Variants in MYO7B observed in about 807,000 individuals in gnomAD.
MYO7B encodes unconventional myosin-VIIb.
In MYO7B, 212 loss-of-function variants were observed where a neutral mutation model predicts 259.7. The observed-to-expected ratio is 0.82, with a 90% confidence interval of 0.73 to 0.91. The LOEUF is 0.91. Ranked by LOEUF, MYO7B falls within the 40% of genes least tolerant of loss-of-function variation. The probability of loss-of-function intolerance (pLI) is 0.00; values close to 1 mark genes in which losing one functional copy is unlikely to be tolerated. For synonymous variants in MYO7B, 1,197 were observed against 1,166.4 expected (o/e 1.03, Z -0.54); for missense variants, 2,732 against 2,813.5 (o/e 0.97, Z 0.66).
At chr2:127,593,498 G>A (rs764863893) in intron 17 of MYO7B, 48 bp from the exon 18 acceptor site, 21 of 1,568,638 alleles carry the variant, frequency 1.3e-5, no homozygotes, top group Non-Finnish European at 1.8e-5. Context: ...GAGCCGCCGA[G>A]GGGTCTCTGC....
At position 127,548,987 on chromosome 2, in the gene MYO7B, CGTACAT is replaced by C. The variant is rs1693343123; in HGVS notation, c.-23-10710_-23-10705del. Among the ~76,000 whole-genome samples the C allele has an allele frequency of 1.6e-4, 24 of 152,110 alleles. 1 individual carries two copies. The highest frequency in any genetic ancestry group is 6.6e-5 in the Admixed American group (1 of 15,264). On this transcript the variant is annotated intron_variant, in intron 1 of 47. Coordinates refer to ENST00000409816, the MANE Select transcript of MYO7B (RefSeq NM_001393586.1). ...TATTTTGACACTTTCTTGGCAGGTGCGTACATGTTAATAATTGTCATGTCTTCTTTG... is the reference window on the plus strand; with the variant it reads ...TATTTTGACACTTTCTTGGCAGGTGCGTTAATAATTGTCATGTCTTCTTTG...
chr2:127,576,847 T>C lies in MYO7B; in HGVS notation c.849+139T>C. ...AGGCGGGGCTGGTTCCCTTTGCCTC[T>C]CCTCGCCAGCCCCTCTCTGCTGGGA... On this transcript the variant is annotated intron_variant, in intron 8 of 47. Transcript: ENST00000409816. The surrounding 1 kb of genome is among the most constrained non-coding windows in gnomAD (Gnocchi z 4.9). 2 of 580,578 alleles carry C rather than the reference T, an allele frequency of 3.4e-6. No homozygotes were observed. The highest frequency in any genetic ancestry group is 4.3e-5 in the South Asian group (2 of 46,366). 36.0% of individuals were successfully genotyped at this position (580,578 alleles called of 1,614,324 possible). A position where few individuals can be genotyped will look rare whatever the true frequency, so the allele number is the denominator to read the frequency against.
intron 26 of MYO7B, among the ~76,000 whole-genome samples, chr2:127,618,600 T>C (rs12052293): frequency 0.18 from 27,287 of 152,114 alleles, 2,543 homozygotes; most frequent in South Asian, 0.31. Flanking sequence ...ATGAGAACAG[T>C]TTGCTGTTTG....
chr2:127,633,017 T>C (rs1220665567), intron 39 of MYO7B, among the ~76,000 whole-genome samples: 1 of 152,188 alleles, frequency 6.6e-6, no homozygotes, highest in Non-Finnish European at 1.5e-5. Context: ...CGGGAGCCCC[T>C]GGCCTGGCCC....
At chr2:127,554,103 T>G (rs1482497819) in intron 1 of MYO7B, among the ~76,000 whole-genome samples, 2 of 152,204 alleles carry the variant, frequency 1.3e-5, no homozygotes, top group Non-Finnish European at 2.9e-5. Context: ...AGACGGAGTT[T>G]CATTCTTGTT....
intron 39 of MYO7B, among the ~76,000 whole-genome samples, chr2:127,632,950 G>A (rs975551099): frequency 2.0e-5 from 3 of 152,168 alleles, no homozygotes; most frequent in Non-Finnish European, 4.4e-5. Flanking sequence ...GCCCCTGCCC[G>A]ATGCCCCTGT....
chr2:127,582,047 T>C, intron 11 of MYO7B, 37 bp downstream of exon 11: 1 of 1,612,370 alleles, frequency 6.2e-7, no homozygotes, highest in African/African-American at 1.3e-5. Flanking sequence ...CATGGCCATC[T>C]GTTGACCACG....
At position 127,615,084 on chromosome 2, in the gene MYO7B, C is replaced by T. The variant is rs1031045132; in HGVS notation, c.3398+2481C>T. Among the ~76,000 whole-genome samples, 2 of 152,032 alleles carry T rather than the reference C, an allele frequency of 1.3e-5. No homozygotes were observed. Among genetic ancestry groups the T allele is most frequent in the South Asian group, 2.1e-4 (1 of 4,828 alleles). ...GAGCTCACCCTTTAGCTGGGGGGCACGAGAGGACCAGGAAATTCACAATGC... is the reference window on the plus strand; with the variant it reads ...GAGCTCACCCTTTAGCTGGGGGGCATGAGAGGACCAGGAAATTCACAATGC... On this transcript the variant is annotated intron_variant, in intron 26 of 47. Coordinates refer to ENST00000409816, the MANE Select transcript of MYO7B (RefSeq NM_001393586.1). This position sits in a 1 kb window ranked among gnomAD's most constrained non-coding sequence, Gnocchi z 4.4.
Position 127,596,489 on chromosome 2 carries a change from C to T in MYO7B, c.2272C>T (p.Gln758Ter), listed in dbSNP as rs1481670394. 6.2e-7 allele frequency: 1 copy of T among 1,613,666 alleles called. No homozygotes were observed. The highest frequency in any genetic ancestry group is 2.2e-5 in the East Asian group (1 of 44,876). The change falls in exon 19 of 48, where the codon CAG (glutamine) becomes TAG (stop). Residue 758 changes from glutamine to a stop codon, truncating the protein, a stop_gained. Coordinates refer to ENST00000409816, the MANE Select transcript of MYO7B (RefSeq NM_001393586.1). LOFTEE classifies it high-confidence loss of function. ...RDHQDTLLEV[Q>*]RSQVLDRAAL... ...TCATCAGGACACTCTGCTGGAGGTA[C>T]AGAGAAGCCAGGTGCTAGACAGAGC...
intron 26 of MYO7B, 59 bp from the exon 27 acceptor site, chr2:127,620,281 C>G (rs1237565614): frequency 5.1e-6 from 8 of 1,555,862 alleles, no homozygotes; most frequent in African/African-American, 1.4e-5. Flanking sequence ...CCCAGGTACC[C>G]CTGTCTCCTC....
At position 127,623,342 on chromosome 2, in the gene MYO7B, G is replaced by A; in HGVS notation, c.3786G>A (p.Leu1262=). 6.2e-7 allele frequency: 1 copy of A among 1,607,196 alleles called. No individual in the cohort carries two copies. Among genetic ancestry groups the A allele is most frequent in the South Asian group, 1.1e-5 (1 of 90,420 alleles). Reference sequence around the variant, plus strand: ...ACAAGCAGGGCCTCAGCGACCACCTGGGCTTCTCCCTCCAGGTCGCCGTGT... The same window carrying A: ...ACAAGCAGGGCCTCAGCGACCACCTAGGCTTCTCCCTCCAGGTCGCCGTGT... ...IAHKQGLSDH[L]GFSLQVAVYD... Residue 1262 remains leucine, a synonymous_variant, in exon 29 of 48, where the codon CTG becomes CTA. Transcript: ENST00000409816.
In MYO7B at chr2:127,628,177, C is replaced by A; in HGVS notation, c.4461-195C>A. On this transcript the variant is annotated intron_variant, in intron 33 of 47. Coordinates refer to ENST00000409816, the MANE Select transcript of MYO7B (RefSeq NM_001393586.1). The surrounding 1 kb of genome is among the most constrained non-coding windows in gnomAD (Gnocchi z 4.8). ...CATGGGCTGCACCACTCTCAGCCTCCGAGAGGTCCTGTGCTCCGCCGTCCT... is the reference window on the plus strand; with the variant it reads ...CATGGGCTGCACCACTCTCAGCCTCAGAGAGGTCCTGTGCTCCGCCGTCCT... 2 of 728,824 alleles carry A rather than the reference C, an allele frequency of 2.7e-6. No homozygotes were observed. Among genetic ancestry groups the A allele is most frequent in the East Asian group, 2.8e-5 (1 of 36,232 alleles). The allele number at this position is 728,824 out of a possible 1,614,324, so 45.1% of individuals were successfully genotyped here.
chr2:127,620,616 C>T (rs900105467), intron 27 of MYO7B, 150 bp downstream of exon 27: 3 of 1,019,814 alleles, frequency 2.9e-6, no homozygotes, highest in African/African-American at 3.2e-5. Flanking sequence ...GCCTATGCTT[C>T]TCCAGGACTC....
At chr2:127,587,153 G>A (rs1426498254) in intron 14 of MYO7B, among the ~76,000 whole-genome samples, 1 of 152,162 alleles carries the variant, frequency 6.6e-6, no homozygotes, top group East Asian at 1.9e-4. Context: ...TCGTGCCCTT[G>A]GGAGTTCGTC....
intron 6 of MYO7B, among the ~76,000 whole-genome samples, chr2:127,570,209 G>A (rs1678537987): frequency 6.6e-6 from 1 of 152,152 alleles, no homozygotes; most frequent in African/African-American, 2.4e-5. Flanking sequence ...AGATGCATGT[G>A]TTCAGTTGCT....
chr2:127,628,383 G>A lies in MYO7B; in HGVS notation c.4472G>A (p.Gly1491Asp), dbSNP rs758399515. 2 of 1,600,782 alleles carry A rather than the reference G, an allele frequency of 1.2e-6. No individual in the cohort carries two copies. ...MGLATNREAQ[G>D]GQRLLLSTMH... is the part of the protein sequence containing the mutation. ...TCCTTCATCTCCAGGGAGGCCCAGG[G>A]CGGGCAGAGGCTGCTGCTCTCCACG... is the stretch of plus-strand genomic sequence containing the variant. Residue 1491 changes from glycine (G) to aspartate (D), a missense_variant, in exon 34 of 48, where the codon GGC becomes GAC. Around this residue, in one of 3 missense-constraint regions of MYO7B, gnomAD observed 1,906 missense variants for 2,026.4 expected, o/e 0.94. Transcript: ENST00000409816. This position sits in a 1 kb window ranked among gnomAD's most constrained non-coding sequence, Gnocchi z 4.8.
intron 6 of MYO7B, among the ~76,000 whole-genome samples, chr2:127,571,915 T>G (rs1407969742): frequency 6.6e-6 from 1 of 152,226 alleles, no homozygotes; most frequent in Non-Finnish European, 1.5e-5. Flanking sequence ...GGGCAGAAGT[T>G]TTAAATTTTG....
intron 26 of MYO7B, among the ~76,000 whole-genome samples, chr2:127,619,582 TGTC>T (rs1376162650): frequency 6.6e-6 from 1 of 152,070 alleles, no homozygotes; most frequent in African/African-American, 2.4e-5. Context: ...TGTTCGGTGA[TGTC>T]GTGTCGCAGT....
intron 1 of MYO7B, among the ~76,000 whole-genome samples, chr2:127,543,711 A>G (rs997226566): frequency 6.6e-6 from 1 of 151,372 alleles, no homozygotes; most frequent in Admixed American, 6.6e-5. Context: ...GTATATATAT[A>G]TCCTCTCTCT....
Sources: gnomAD v4.1 joint callset for allele counts (sites outside exome capture counted in the v4.1 genomes callset) on GRCh38, gnomAD v4.1.1 for gene constraint, gnomAD v4.1.1 regional missense constraint, Gnocchi (gnomAD v3.1) non-coding constraint, MANE v1.5 for transcripts, NCBI Gene and HGNC (gene_info 2026-07-23, HGNC 2026-07-21) for gene names.